VWDE: variants seen among roughly 807,000 people sequenced by gnomAD.
VWDE encodes the protein von Willebrand factor D and EGF domains.
Under a neutral mutation model 178.4 loss-of-function variants are expected in VWDE, and 207 were observed. The observed-to-expected ratio is 1.16, with a 90% confidence interval of 1.04 to 1.30. The LOEUF is 1.30. VWDE is among the 50% of genes most tolerant of loss of function. The pLI is 0.00. For synonymous variants in VWDE, 738 were observed against 651.4 expected (o/e 1.13, Z -2.02); for missense variants, 2,287 against 1,901.3 (o/e 1.20, Z -3.77).
At chr7:12,402,904 C>G (rs1340174262) in intron 1 of VWDE, among the ~76,000 whole-genome samples, 1 of 151,952 alleles carries the variant, frequency 6.6e-6, no homozygotes, top group Admixed American at 6.6e-5. Context: ...TGGTTGAACA[C>G]AGATCAGACT....
chr7:12,396,000 A>G (rs575924572), intron 1 of VWDE, among the ~76,000 whole-genome samples: 2 of 152,304 alleles, frequency 1.3e-5, no homozygotes, highest in East Asian at 3.9e-4. Context: ...TAGATATAAA[A>G]TATACATTAA....
At chr7:12,368,184 GAACAA>G (rs57308115) in intron 12 of VWDE, among the ~76,000 whole-genome samples, 21,259 of 148,306 alleles carry the variant, frequency 0.14, 1,798 homozygotes, top group African/African-American at 0.23. Context: ...ATGTAGTAAT[GAACAA>G]AACAAAAGTT....
intron 3 of VWDE, among the ~76,000 whole-genome samples, chr7:12,387,375 A>G (rs1314290478): frequency 6.6e-6 from 1 of 152,074 alleles, no homozygotes; most frequent in African/African-American, 2.4e-5. Context: ...AATTAACCAT[A>G]GGAGAAAACT....
chr7:12,368,262 T>C (rs1782970479), intron 12 of VWDE, among the ~76,000 whole-genome samples: 1 of 150,654 alleles, frequency 6.6e-6, no homozygotes, highest in South Asian at 2.1e-4. Flanking sequence ...AAGATAAATA[T>C]AAATTATATT....
intron 13 of VWDE, among the ~76,000 whole-genome samples, chr7:12,361,932 C>T (rs1224128584): frequency 6.6e-6 from 1 of 152,032 alleles, no homozygotes; most frequent in East Asian, 1.9e-4. Context: ...GTCCTTTCTG[C>T]CCCCTACACA....
chr7:12,376,969 A>C (rs1783564447), intron 7 of VWDE, among the ~76,000 whole-genome samples: 1 of 152,000 alleles, frequency 6.6e-6, no homozygotes, highest in Admixed American at 6.6e-5. Context: ...ATGAAGGTCT[A>C]TAGATACCTT....
chr7:12,379,827 G>T (rs1783742892), intron 5 of VWDE, among the ~76,000 whole-genome samples: 1 of 152,126 alleles, frequency 6.6e-6, no homozygotes, highest in Non-Finnish European at 1.5e-5. Context: ...GGGTGCGGTG[G>T]CTCACGCCTG....
chr7:12,360,471 TGA>T lies in VWDE; in HGVS notation c.3159+674_3159+675del, dbSNP rs540771736. 4.6e-5 allele frequency among the ~76,000 whole-genome samples: 7 copies of T among 152,302 alleles called. No homozygotes were observed. In the South Asian group the frequency reaches 1.5e-3, roughly 32 times the overall value. On this transcript the variant is annotated intron_variant, in intron 15 of 28. Transcript: ENST00000275358. ...TCTCAAAACCAGAGATTTGATCTGA[TGA>T]CTAATCTCAAGAAAATAAATTTTAA...
At chr7:12,342,234 A>G in intron 22 of VWDE, 80 bp from the exon 23 acceptor site, 1 of 994,126 alleles carries the variant, frequency 1.0e-6, no homozygotes, top group Non-Finnish European at 1.5e-6. Flanking sequence ...CTAGCTCATA[A>G]CTGCTAATCA....
chr7:12,331,066 T>C lies in VWDE; in HGVS notation c.*117A>G. The C allele has an allele frequency of 1.4e-6, 1 of 731,366 alleles. No homozygotes were observed. Among genetic ancestry groups the C allele is most frequent in the South Asian group, 1.9e-5 (1 of 51,566 alleles). 45.3% of individuals were successfully genotyped at this position (731,366 alleles called of 1,614,324 possible). On this transcript the variant is annotated 3_prime_UTR_variant, in exon 29 of 29. Transcript: ENST00000275358. ...TTATGTATTTTATTAGTTTCTTCAG[T>C]CTTTAAGATATTTTTTGAATGATGT...
At chr7:12,386,244 C>G (rs1326471244) in intron 3 of VWDE, among the ~76,000 whole-genome samples, 7 of 152,050 alleles carry the variant, frequency 4.6e-5, no homozygotes, top group African/African-American at 7.2e-5. Flanking sequence ...ATTTCAAAAA[C>G]TCTTGTCTTG....
chr7:12,369,812 C>T lies in VWDE; in HGVS notation c.2494G>A (p.Asp832Asn), dbSNP rs1783067855. 1.5e-5 allele frequency: 23 copies of T among 1,551,530 alleles called. No homozygotes were observed. The highest frequency in any genetic ancestry group is 2.0e-5 in the Non-Finnish European group (23 of 1,146,892). The change falls in exon 12 of 29, where the codon GAC becomes AAC. Residue 832 changes from aspartate (D) to asparagine (N), a missense_variant. Coordinates refer to ENST00000275358, the MANE Select transcript of VWDE (RefSeq NM_001135924.3). ...LCLAFLGKRL[D>N]SVIEMCVKDV... Reference sequence around the variant, plus strand: ...TTCACACACATCTCTATAACACTGTCTAATCTCTTGCCAAGAAAAGCAAGA... The same window carrying T: ...TTCACACACATCTCTATAACACTGTTTAATCTCTTGCCAAGAAAAGCAAGA...
intron 27 of VWDE, chr7:12,333,798 A>T (rs1430123073): frequency 2.9e-6 from 1 of 346,724 alleles, no homozygotes; most frequent in Non-Finnish European, 5.2e-6. Flanking sequence ...GGAATTCTAT[A>T]AAGATATTAT....
chr7:12,331,164 T>C lies in VWDE; in HGVS notation c.*19A>G, dbSNP rs1200319779. On this transcript the variant is annotated 3_prime_UTR_variant, in exon 29 of 29. Transcript: ENST00000275358. ...CCATTCTTAAGATACAGGCTTGTAA[T>C]TCATATACTTGATGCTACTCAATGG... is the stretch of plus-strand genomic sequence containing the variant. 6 of 1,536,562 alleles carry C rather than the reference T, an allele frequency of 3.9e-6. No homozygotes were observed. The highest frequency in any genetic ancestry group is 5.3e-6 in the Non-Finnish European group (6 of 1,137,710).
intron 18 of VWDE, among the ~76,000 whole-genome samples, chr7:12,352,303 T>C (rs973014436): frequency 4.6e-5 from 7 of 152,222 alleles, no homozygotes; most frequent in African/African-American, 1.4e-4. Flanking sequence ...TTGATTCTTA[T>C]GTGCCCCACT....
chr7:12,398,158 A>G (rs1232019180), intron 1 of VWDE, among the ~76,000 whole-genome samples: 1 of 152,188 alleles, frequency 6.6e-6, no homozygotes, highest in East Asian at 1.9e-4. Flanking sequence ...GGAATCAGCC[A>G]TGGTGCCCAT....
At chr7:12,352,596 T>C (rs1397562870) in intron 18 of VWDE, among the ~76,000 whole-genome samples, 1 of 152,208 alleles carries the variant, frequency 6.6e-6, no homozygotes, top group African/African-American at 2.4e-5. Flanking sequence ...GCTAGATCAC[T>C]TATTACAATG....
intron 21 of VWDE, among the ~76,000 whole-genome samples, chr7:12,343,608 A>G (rs1180508148): frequency 6.6e-6 from 1 of 152,140 alleles, no homozygotes; most frequent in East Asian, 1.9e-4. Context: ...CATGGCTCTC[A>G]GCTTATCCAT....
At chr7:12,370,965 C>G in intron 10 of VWDE, 101 bp from the exon 11 acceptor site, 1 of 897,038 alleles carries the variant, frequency 1.1e-6, no homozygotes, top group Non-Finnish European at 1.6e-6. Flanking sequence ...TAGTTATTCC[C>G]TCAATATAAA....
Sources: gnomAD v4.1 joint callset for allele counts (sites outside exome capture counted in the v4.1 genomes callset) on GRCh38, gnomAD v4.1.1 for gene constraint, MANE v1.5 for transcripts, NCBI Gene and HGNC (gene_info 2026-07-23, HGNC 2026-07-21) for gene names.